Variants in TRHDE observed in about 807,000 individuals in gnomAD.
TRHDE encodes thyrotropin-releasing hormone-degrading ectoenzyme.
A neutral mutation model predicts 125.7 loss-of-function variants in TRHDE; 72 were observed. The observed-to-expected ratio is 0.57, with a 90% CI of 0.47 to 0.70. The LOEUF (loss-of-function observed/expected upper bound fraction) is 0.70, where lower values mean the gene tolerates loss of function less well. Ranked by LOEUF, TRHDE falls within the 30% of genes least tolerant of loss-of-function variation. TRHDE has a pLI of 0.00. For missense variants in TRHDE, 1,110 were observed against 1,327.1 expected (o/e 0.84, Z 2.54); for synonymous variants, 509 against 509.1 (o/e 1.00, Z 0.00).
chr12:72,375,628 T>A (rs531183649), intron 2 of TRHDE, among the ~76,000 whole-genome samples: 2 of 152,208 alleles, frequency 1.3e-5, no homozygotes, highest in Non-Finnish European at 2.9e-5. Context: ...TTATGTAGAA[T>A]CTTTTGAAAG....
intron 7 of TRHDE, among the ~76,000 whole-genome samples, chr12:72,543,989 G>A (rs1391126077): frequency 6.6e-6 from 1 of 151,098 alleles, no homozygotes; most frequent in Non-Finnish European, 1.5e-5. Flanking sequence ...TTCCAAGCTT[G>A]TATTAATGTG....
chr12:72,360,700 T>C (rs1871031604), intron 2 of TRHDE, among the ~76,000 whole-genome samples: 1 of 151,668 alleles, frequency 6.6e-6, no homozygotes, highest in Admixed American at 6.6e-5. Flanking sequence ...ATAAAATGAA[T>C]TGAAAATATA....
intron 2 of TRHDE, among the ~76,000 whole-genome samples, chr12:72,219,283 A>AT: frequency 6.6e-6 from 1 of 152,140 alleles, no homozygotes; most frequent in Non-Finnish European, 1.5e-5. Context: ...GTTTCTGAGA[A>AT]TATAGCTGCT....
intron 15 of TRHDE, among the ~76,000 whole-genome samples, chr12:72,647,431 A>G (rs1200578998): frequency 6.6e-6 from 1 of 152,046 alleles, no homozygotes; most frequent in Non-Finnish European, 1.5e-5. Context: ...AACTATCCAC[A>G]TAGTTAGCAA....
chr12:72,324,974 G>A (rs186043590), intron 2 of TRHDE, among the ~76,000 whole-genome samples: 318 of 152,188 alleles, frequency 2.1e-3, no homozygotes, highest in African/African-American at 7.4e-3. Flanking sequence ...TGTACAGTAG[G>A]TTGTACTTCC....
intron 2 of TRHDE, among the ~76,000 whole-genome samples, chr12:72,120,974 A>G (rs1003996663): frequency 6.6e-6 from 1 of 150,770 alleles, no homozygotes; most frequent in Non-Finnish European, 1.5e-5. Context: ...CACTGCACCC[A>G]CCCCTCTTTA....
chr12:72,256,340 C>T (rs1340944456), intron 2 of TRHDE: 2 of 152,128 alleles, frequency 1.3e-5, no homozygotes, highest in Admixed American at 1.3e-4. Flanking sequence ...ATTCCTGTAT[C>T]AATTCCTTTG....
At chr12:72,205,461 C>A (rs781611093) in intron 2 of TRHDE, among the ~76,000 whole-genome samples, 3 of 151,798 alleles carry the variant, frequency 2.0e-5, no homozygotes, top group Non-Finnish European at 2.9e-5. Context: ...ATCTCTAGAA[C>A]TGTTTCATTT....
intron 12 of TRHDE, chr12:72,582,465 A>C (rs1198779756): frequency 1.0e-6 from 1 of 985,254 alleles, no homozygotes; most frequent in East Asian, 1.1e-4. Context: ...CTTTTGTTAG[A>C]AGTTTTTTTG....
chr12:72,633,573 A>G (rs1290234108), intron 15 of TRHDE, among the ~76,000 whole-genome samples: 1 of 152,072 alleles, frequency 6.6e-6, no homozygotes, highest in African/African-American at 2.4e-5. Flanking sequence ...GAACCACCCT[A>G]GCTTCAGCAT....
At chr12:72,207,480 G>C (rs530788717) in intron 2 of TRHDE, among the ~76,000 whole-genome samples, 1 of 152,240 alleles carries the variant, frequency 6.6e-6, no homozygotes, top group South Asian at 2.1e-4. Flanking sequence ...CACAATAAGA[G>C]ATAGAATTCC....
chr12:72,412,298 A>G (rs1428639969), intron 3 of TRHDE, among the ~76,000 whole-genome samples: 1 of 152,162 alleles, frequency 6.6e-6, no homozygotes, highest in Admixed American at 6.5e-5. Flanking sequence ...CTTAAAAGAG[A>G]ATATTCAAAT....
intron 3 of TRHDE, among the ~76,000 whole-genome samples, chr12:72,401,090 GA>G (rs1447220509): frequency 1.3e-5 from 2 of 151,994 alleles, no homozygotes; most frequent in Non-Finnish European, 2.9e-5. Context: ...GTTACAGTAG[GA>G]AAAAATGTAA....
intron 2 of TRHDE, among the ~76,000 whole-genome samples, chr12:72,289,988 G>A (rs1266011149): frequency 3.3e-5 from 5 of 152,182 alleles, no homozygotes; most frequent in African/African-American, 7.2e-5. Context: ...AGGACTGTGC[G>A]TAGGAAAAAC....
chr12:72,597,943 CCTTT>C (rs921037828), intron 12 of TRHDE, among the ~76,000 whole-genome samples: 9 of 151,276 alleles, frequency 5.9e-5, no homozygotes, highest in Non-Finnish European at 1.2e-4. Flanking sequence ...CTGTTGCAAT[CCTTT>C]TTTTATTAAA....
intron 2 of TRHDE, among the ~76,000 whole-genome samples, chr12:72,179,134 A>G (rs541819532): frequency 9.9e-5 from 15 of 152,272 alleles, no homozygotes; most frequent in African/African-American, 3.6e-4. Flanking sequence ...GACTTATTGC[A>G]GATTTCTGGT....
intron 2 of TRHDE, among the ~76,000 whole-genome samples, chr12:72,195,794 T>C (rs908364682): frequency 6.6e-6 from 1 of 152,176 alleles, no homozygotes; most frequent in African/African-American, 2.4e-5. Flanking sequence ...ATAAATTATT[T>C]CCCAAGGCTG....
chr12:72,347,839 A>G (rs1870398120), intron 2 of TRHDE, among the ~76,000 whole-genome samples: 1 of 152,036 alleles, frequency 6.6e-6, no homozygotes, highest in Non-Finnish European at 1.5e-5. Context: ...CAATCTTAGA[A>G]TTGGCCTCCC....
intron 2 of TRHDE, among the ~76,000 whole-genome samples, chr12:72,117,000 T>C (rs532628531): frequency 1.3e-5 from 2 of 152,296 alleles, no homozygotes; most frequent in Non-Finnish European, 2.9e-5. Flanking sequence ...TAATCCCCTG[T>C]CTGATGGATA....
Sources: gnomAD v4.1 joint callset for allele counts (sites outside exome capture counted in the v4.1 genomes callset) on GRCh38, gnomAD v4.1.1 for gene constraint, MANE v1.5 for transcripts, NCBI Gene and HGNC (gene_info 2026-07-23, HGNC 2026-07-21) for gene names.